The following HECW1 variants were observed in gnomAD, a reference collection of about 807,000 sequenced individuals.
HECW1 encodes E3 ubiquitin-protein ligase HECW1.
Under a neutral mutation model 182.3 loss-of-function variants are expected in HECW1, and 61 were observed. The observed-to-expected ratio is 0.33, with a 90% CI of 0.27 to 0.41. HECW1 has a LOEUF of 0.41. Ranked by LOEUF, HECW1 falls within the 10% of genes least tolerant of loss-of-function variation. The pLI, the probability that HECW1 is intolerant of heterozygous loss-of-function variation, is 1.00. For synonymous variants in HECW1, 859 were observed against 832.6 expected, an observed-to-expected ratio of 1.03 and a Z score of -0.55; for missense variants, 1,739 against 2,108.9, an observed-to-expected ratio of 0.82 and a Z score of 3.44.
chr7:43,191,151 G>A (rs1165145588), intron 2 of HECW1, among the ~76,000 whole-genome samples: 1 of 151,748 alleles, frequency 6.6e-6, no homozygotes, highest in Non-Finnish European at 1.5e-5. Context: ...ATATATATAT[G>A]CAAGAGGAAG....
intron 26 of HECW1, among the ~76,000 whole-genome samples, chr7:43,547,256 G>T (rs1256401544): frequency 6.6e-6 from 1 of 152,062 alleles, no homozygotes; most frequent in African/African-American, 2.4e-5. Context: ...TCACATAAAA[G>T]CTGTGTTTTC....
chr7:43,550,203 A>C (rs1208902896), intron 26 of HECW1, among the ~76,000 whole-genome samples: 1 of 152,146 alleles, frequency 6.6e-6, no homozygotes, highest in Non-Finnish European at 1.5e-5. Context: ...CAGGAGGGTC[A>C]TTTGCCCCCA....
intron 8 of HECW1, among the ~76,000 whole-genome samples, chr7:43,425,005 T>A (rs2076310839): frequency 6.6e-6 from 1 of 152,092 alleles, no homozygotes; most frequent in African/African-American, 2.4e-5. Context: ...ACTTAGTGTG[T>A]TTTTGAGAGA....
chr7:43,556,896 G>A (rs191558801), intron 29 of HECW1, among the ~76,000 whole-genome samples: 9 of 151,956 alleles, frequency 5.9e-5, no homozygotes, highest in Admixed American at 5.2e-4. Context: ...TTATGAACAC[G>A]TTCTTCATAT....
rs1244764496 is a variant in HECW1 at position 43,507,249 on chromosome 7, G to A, written c.3744G>A (p.Gly1248=). ...CCAAAGGATTTGGTCAGGGTCCGGG[G>A]AAAATTAAGTGAGTGCTCCAGTGCT... ...LEAKGFGQGP[G]KIKLIIRRDH... The change falls in exon 22 of 30, where the codon GGG becomes GGA. Residue 1248 remains glycine, a synonymous_variant. Coordinates refer to ENST00000395891, the MANE Select transcript of HECW1 (RefSeq NM_015052.5). 1.4e-5 allele frequency: 22 copies of A among 1,613,034 alleles called. No individual in the cohort carries two copies. Among genetic ancestry groups the A allele is most frequent in the Non-Finnish European group, 1.9e-5 (22 of 1,179,362 alleles).
At chr7:43,160,688 T>C (rs1790437644) in intron 2 of HECW1, among the ~76,000 whole-genome samples, 1 of 152,164 alleles carries the variant, frequency 6.6e-6, no homozygotes, top group Non-Finnish European at 1.5e-5. Context: ...ACTATACTTT[T>C]AATTCATCTC....
intron 6 of HECW1, among the ~76,000 whole-genome samples, chr7:43,386,917 T>C (rs1225783556): frequency 2.0e-5 from 3 of 152,150 alleles, no homozygotes; most frequent in Non-Finnish European, 4.4e-5. Context: ...GAAAACAGGA[T>C]AGAAACATAA....
rs1235090540 is a variant in HECW1, at chr7:43,562,483, A to G, written c.*557A>G. On this transcript the variant is annotated 3_prime_UTR_variant, in exon 30 of 30. Transcript: ENST00000395891. ...CAACAGTGGCAAAGCTGAAATTTTT[A>G]TACATTCAACTCATGATTCACATGT... 4.4e-6 allele frequency: 1 copy of G among 228,156 alleles called. No individual in the cohort carries two copies. The highest frequency in any genetic ancestry group is 8.7e-6 in the Non-Finnish European group (1 of 114,776). The allele number at this position is 228,156 out of a possible 1,614,324, so 14.1% of individuals were successfully genotyped here.
intron 5 of HECW1, among the ~76,000 whole-genome samples, chr7:43,326,293 C>G (rs1345895424): frequency 6.6e-6 from 1 of 152,240 alleles, no homozygotes; most frequent in Non-Finnish European, 1.5e-5. Context: ...TGACTCCCCC[C>G]TTGACCATGG....
intron 2 of HECW1, among the ~76,000 whole-genome samples, chr7:43,170,781 C>A (rs1446331792): frequency 6.6e-6 from 1 of 152,118 alleles, no homozygotes; most frequent in Non-Finnish European, 1.5e-5. Context: ...ATGAAAGTGG[C>A]CCAGCTGACC....
chr7:43,235,715 A>G (rs1584103814), intron 2 of HECW1, among the ~76,000 whole-genome samples: 1 of 152,088 alleles, frequency 6.6e-6, no homozygotes. Context: ...GTTCTGGAGG[A>G]TGGCCAGTGG....
At chr7:43,426,366 A>C (rs550818474) in intron 8 of HECW1, among the ~76,000 whole-genome samples, 2 of 152,350 alleles carry the variant, frequency 1.3e-5, no homozygotes, top group African/African-American at 2.4e-5. Flanking sequence ...TAAAGTTAGT[A>C]TAAAAGGTGA....
intron 8 of HECW1, among the ~76,000 whole-genome samples, chr7:43,427,752 C>G (rs1352180687): frequency 6.6e-6 from 1 of 152,116 alleles, no homozygotes; most frequent in Non-Finnish European, 1.5e-5. Flanking sequence ...CAAGATCATT[C>G]AGGTTGTTGG....
chr7:43,521,550 T>G (rs563650851), intron 24 of HECW1, among the ~76,000 whole-genome samples: 122 of 152,288 alleles, frequency 8.0e-4, no homozygotes, highest in African/African-American at 2.9e-3. Context: ...ATTCATAGGT[T>G]GAAACTTAAC....
At chr7:43,415,540 G>T (rs1403319552) in intron 8 of HECW1, among the ~76,000 whole-genome samples, 3 of 151,980 alleles carry the variant, frequency 2.0e-5, no homozygotes, top group East Asian at 1.9e-4. Context: ...TATCTTTGTG[G>T]CGTTCTCTGT....
intron 3 of HECW1, among the ~76,000 whole-genome samples, chr7:43,284,534 A>AGAAG (rs1287550514): frequency 2.0e-5 from 3 of 151,030 alleles, no homozygotes; most frequent in Non-Finnish European, 4.4e-5. Flanking sequence ...AGACAGAAAC[A>AGAAG]GAAGGAAGGA....
intron 2 of HECW1, among the ~76,000 whole-genome samples, chr7:43,216,785 G>T (rs1186227791): frequency 2.0e-5 from 3 of 152,024 alleles, no homozygotes; most frequent in African/African-American, 7.2e-5. Context: ...CTCCCAAGTA[G>T]TTGGGATTAC....
chr7:43,481,709 G>C (rs1340109612), intron 17 of HECW1, among the ~76,000 whole-genome samples: 1 of 152,142 alleles, frequency 6.6e-6, no homozygotes, highest in Non-Finnish European at 1.5e-5. Context: ...CTGGGGCCAG[G>C]TGTGATGGCT....
intron 6 of HECW1, among the ~76,000 whole-genome samples, chr7:43,379,222 T>C (rs2074451013): frequency 6.6e-6 from 1 of 152,206 alleles, no homozygotes; most frequent in South Asian, 2.1e-4. Context: ...CCAGAAGCAC[T>C]GCACCTCTCT....
Sources: allele counts gnomAD v4.1 joint callset (sites outside exome capture counted in the v4.1 genomes callset), GRCh38; gene constraint gnomAD v4.1.1; transcripts MANE v1.5; gene names NCBI Gene and HGNC (gene_info 2026-07-23, HGNC 2026-07-21).